LRRC7: variants seen among roughly 807,000 people sequenced by gnomAD.
LRRC7 encodes the protein leucine rich repeat containing 7.
LRRC7 carries 23 observed loss-of-function variants against 175.7 expected under a neutral mutation model. The ratio of observed to expected loss-of-function variants is 0.13; its 90% CI spans 0.09 to 0.19. LRRC7 has a LOEUF of 0.19. Ranked by LOEUF, LRRC7 falls within the 10% of genes least tolerant of loss-of-function variation. LRRC7 has a pLI of 1.00. For synonymous variants in LRRC7, 685 were observed against 680.9 expected, an observed-to-expected ratio of 1.01 and a Z score of -0.09; for missense variants, 1,354 against 1,904.7, an observed-to-expected ratio of 0.71 and a Z score of 5.38.
At chr1:69,924,160 A>G (rs1377066020) in intron 7 of LRRC7, among the ~76,000 whole-genome samples, 3 of 152,020 alleles carry the variant, frequency 2.0e-5, no homozygotes, top group Non-Finnish European at 4.4e-5. Context: ...CCATTGATCT[A>G]TATCTCTGTT....
chr1:69,687,210 A>G (rs1009627061), intron 2 of LRRC7, among the ~76,000 whole-genome samples: 3 of 152,144 alleles, frequency 2.0e-5, no homozygotes, highest in Non-Finnish European at 2.9e-5. Context: ...TGCTTAAAAA[A>G]AGAAACTATT....
rs770324406 is a variant in LRRC7, at chr1:69,760,351, G to A, written c.261G>A (p.Glu87=). 5.6e-6 allele frequency: 9 copies of A among 1,612,570 alleles called. No homozygotes were observed. The highest frequency in any genetic ancestry group is 5.9e-6 in the Non-Finnish European group (7 of 1,179,182). The change falls in exon 3 of 27, where the codon GAG becomes GAA. Residue 87 remains glutamate, a synonymous_variant. Coordinates refer to ENST00000651989, the MANE Select transcript of LRRC7 (RefSeq NM_001370785.2). ...KEVFNFERTL[E]ELYLDANQIE... ...TCTTTAACTTCGAACGAACATTAGAGGAGCTTTATCTAGATGCCAATCAAA... is the reference window on the plus strand; with the variant it reads ...TCTTTAACTTCGAACGAACATTAGAAGAGCTTTATCTAGATGCCAATCAAA...
intron 10 of LRRC7, among the ~76,000 whole-genome samples, chr1:69,993,851 T>G (rs1308280608): frequency 6.6e-6 from 1 of 152,160 alleles, no homozygotes; most frequent in Admixed American, 6.6e-5. Flanking sequence ...GATAAGGAAG[T>G]TGATTATGCC....
At chr1:69,649,256 T>C (rs145963363) in intron 1 of LRRC7, among the ~76,000 whole-genome samples, 98 of 152,332 alleles carry the variant, frequency 6.4e-4, no homozygotes, top group African/African-American at 2.1e-3. Flanking sequence ...ACTTATTTAC[T>C]TCATAAAGTA....
chr1:69,902,294 G>A (rs1646156628), intron 7 of LRRC7, among the ~76,000 whole-genome samples: 1 of 152,208 alleles, frequency 6.6e-6, no homozygotes, highest in South Asian at 2.1e-4. Flanking sequence ...TTGGGACCAG[G>A]TGTGGTGGCT....
chr1:69,791,992 G>T (rs1675180177), intron 3 of LRRC7, 51 bp from the exon 4 acceptor site: 1 of 1,184,496 alleles, frequency 8.4e-7, no homozygotes, highest in South Asian at 1.3e-5. Flanking sequence ...CTGAGTTTAT[G>T]AATGAATTTA....
chr1:69,687,520 CAAAAAAA>C (rs551726376), intron 2 of LRRC7, among the ~76,000 whole-genome samples: 2,595 of 96,894 alleles, frequency 0.027, 57 homozygotes, highest in African/African-American at 0.083. Context: ...AAGAAAAAAC[CAAAAAAA>C]AAAAAAAAAA....
At chr1:69,891,334 G>A (rs546527817) in intron 7 of LRRC7, among the ~76,000 whole-genome samples, 1 of 152,304 alleles carries the variant, frequency 6.6e-6, no homozygotes, top group African/African-American at 2.4e-5. Flanking sequence ...TCTTTTGGTG[G>A]AACAGGCAGA....
chr1:69,989,743 ATTTTT>A (rs1376621958), intron 10 of LRRC7, among the ~76,000 whole-genome samples: 1 of 152,144 alleles, frequency 6.6e-6, no homozygotes, highest in Non-Finnish European at 1.5e-5. Context: ...AGTTGATATT[ATTTTT>A]CAACATTAAA....
At chr1:69,927,809 A>G (rs1014812044) in intron 7 of LRRC7, among the ~76,000 whole-genome samples, 4 of 152,118 alleles carry the variant, frequency 2.6e-5, no homozygotes, top group Admixed American at 1.3e-4. Context: ...CTCTCAACTC[A>G]TCAAAGTCAT....
At position 69,645,161 on chromosome 1, in the gene LRRC7, C is replaced by CT. The variant is rs57817104; in HGVS notation, c.3-33210dup. On this transcript the variant is annotated intron_variant, in intron 1 of 26. Transcript: ENST00000651989. ...ACAAAGTTTGGAAAAGAAGTAAAAT[C>CT]TTTTTTTTTTATTCACAGATGACAT... 9.8e-3 allele frequency among the ~76,000 whole-genome samples: 1,475 copies of CT among 150,176 alleles called. 19 individuals are homozygous for CT. Among genetic ancestry groups the CT allele is most frequent in the African/African-American group, 0.034 (1,392 of 40,996 alleles).
Position 70,039,370 on chromosome 1 carries a change from C to T in LRRC7, c.3546C>T (p.Gly1182=), listed in dbSNP as rs1207416827. ...AGCTGCCCCCAACTGATAGGTACGG[C>T]AGACCCCCATATAGGGGAGGGCTGG... is the stretch of plus-strand genomic sequence containing the variant. The part of the protein sequence containing the change: ...PHELPPTDRY[G]RPPYRGGLDR... The change falls in exon 21 of 27, where the codon GGC becomes GGT. Residue 1182 remains glycine (G), a synonymous_variant. Coordinates refer to ENST00000651989, the MANE Select transcript of LRRC7 (RefSeq NM_001370785.2). 1 of 1,614,064 alleles carries T rather than the reference C, an allele frequency of 6.2e-7. No homozygotes were observed. The highest frequency in any genetic ancestry group is 1.1e-5 in the South Asian group (1 of 91,078).
chr1:69,606,442 A>C (rs943113582), intron 1 of LRRC7, among the ~76,000 whole-genome samples: 1 of 152,164 alleles, frequency 6.6e-6, no homozygotes, highest in Non-Finnish European at 1.5e-5. Context: ...TCCTATCTTC[A>C]AAAATCATTC....
At chr1:69,760,122 A>G (rs1670873736) in intron 2 of LRRC7, 69 bp from the exon 3 acceptor site, 2 of 1,506,450 alleles carry the variant, frequency 1.3e-6, no homozygotes, top group African/African-American at 1.4e-5. Flanking sequence ...AGCTTTAAAT[A>G]TTACAAGAAT....
chr1:69,943,687 G>A (rs1412126065), intron 8 of LRRC7, among the ~76,000 whole-genome samples: 1 of 151,920 alleles, frequency 6.6e-6, no homozygotes, highest in Non-Finnish European at 1.5e-5. Flanking sequence ...ACTTTTCCAG[G>A]CTGCCTCCCA....
At chr1:70,017,005 G>A (rs756578551) in intron 14 of LRRC7, among the ~76,000 whole-genome samples, 28 of 151,966 alleles carry the variant, frequency 1.8e-4, no homozygotes, top group African/African-American at 5.1e-4. Context: ...CAGGCTGGGC[G>A]CGGTGGCTCA....
chr1:69,682,943 A>G (rs1444794496), intron 2 of LRRC7, among the ~76,000 whole-genome samples: 1 of 152,148 alleles, frequency 6.6e-6, no homozygotes, highest in East Asian at 1.9e-4. Flanking sequence ...TCTACAAACA[A>G]TGTCATTACA....
At chr1:69,954,844 C>T (rs1650328236) in intron 8 of LRRC7, among the ~76,000 whole-genome samples, 1 of 152,008 alleles carries the variant, frequency 6.6e-6, no homozygotes, top group African/African-American at 2.4e-5. Context: ...ATAATTAATT[C>T]ACTTGGGCAT....
intron 16 of LRRC7, among the ~76,000 whole-genome samples, chr1:70,022,090 C>A (rs113026131): frequency 6.6e-6 from 1 of 152,104 alleles, no homozygotes; most frequent in South Asian, 2.1e-4. Flanking sequence ...CTACCAATAT[C>A]GTTACGGAGA....
Sources: allele counts gnomAD v4.1 joint callset (sites outside exome capture counted in the v4.1 genomes callset), GRCh38; gene constraint gnomAD v4.1.1; transcripts MANE v1.5; gene names NCBI Gene and HGNC (gene_info 2026-07-23, HGNC 2026-07-21).